Variants in DLG2 observed in about 807,000 individuals in gnomAD.
The protein encoded by DLG2 is disks large homolog 2.
Under a neutral mutation model 132.5 loss-of-function variants are expected in DLG2, and 45 were observed. The observed-to-expected ratio is 0.34, with a 90% CI of 0.27 to 0.44. DLG2 has a LOEUF of 0.44. Among genes scored for constraint, DLG2 ranks in the 20% least tolerant of loss-of-function variants. The probability of loss-of-function intolerance (pLI) is 1.00; values close to 1 mark genes in which losing one functional copy is unlikely to be tolerated. For synonymous variants in DLG2, 424 were observed against 419.6 expected (o/e 1.01, Z -0.13); for missense variants, 1,045 against 1,196.9 (o/e 0.87, Z 1.87).
At chr11:84,104,888 T>C (rs988159166) in intron 9 of DLG2, among the ~76,000 whole-genome samples, 2 of 152,094 alleles carry the variant, frequency 1.3e-5, no homozygotes, top group African/African-American at 4.8e-5. Context: ...TCTTACAATT[T>C]CCTATGTGGT....
chr11:85,136,382 T>A (rs1019157914), intron 5 of DLG2, among the ~76,000 whole-genome samples: 5 of 152,226 alleles, frequency 3.3e-5, no homozygotes, highest in Middle Eastern at 3.2e-3. Flanking sequence ...TTTGATTGAT[T>A]TTCCTCAGAT....
At chr11:83,510,816 T>G (rs2094967078) in intron 21 of DLG2, among the ~76,000 whole-genome samples, 1 of 149,718 alleles carries the variant, frequency 6.7e-6, no homozygotes, top group African/African-American at 2.5e-5. Flanking sequence ...GGCTCAAAAG[T>G]TTCTGAACCA....
chr11:83,757,350 G>A (rs1279778340), intron 18 of DLG2, among the ~76,000 whole-genome samples: 1 of 152,192 alleles, frequency 6.6e-6, no homozygotes, highest in Admixed American at 6.5e-5. Context: ...GGGTTCTACT[G>A]AGTGGAGACT....
chr11:83,749,576 A>G (rs1469494655), intron 18 of DLG2, among the ~76,000 whole-genome samples: 3 of 151,762 alleles, frequency 2.0e-5, no homozygotes, highest in South Asian at 2.1e-4. Flanking sequence ...CAGAGCCCCC[A>G]CCCAGCAGCT....
intron 6 of DLG2, among the ~76,000 whole-genome samples, chr11:84,652,671 C>A (rs1468923797): frequency 6.6e-6 from 1 of 152,120 alleles, no homozygotes; most frequent in Non-Finnish European, 1.5e-5. Flanking sequence ...AATTAATTAT[C>A]ATGTTTAATA....
chr11:84,594,569 T>C lies in DLG2; in HGVS notation c.358-59838A>G, dbSNP rs1029574151. 1.4e-4 allele frequency among the ~76,000 whole-genome samples: 22 copies of C among 152,142 alleles called. No homozygotes were observed. The South Asian group carries it at 4.6e-3, about 32-fold the overall frequency. On this transcript the variant is annotated intron_variant, in intron 6 of 27. Coordinates refer to ENST00000376104, the MANE Select transcript of DLG2 (RefSeq NM_001142699.3). ...AAGAACAAAGTAGCAGTCCAAAAAA[T>C]TGTGACTGAAATACGGATGGGACTG...
chr11:84,879,832 A>G (rs2087002212), intron 6 of DLG2, among the ~76,000 whole-genome samples: 1 of 152,142 alleles, frequency 6.6e-6, no homozygotes, highest in South Asian at 2.1e-4. Flanking sequence ...TCAAAGTGTA[A>G]AAGATATCAA....
chr11:85,412,725 TCACACACACACACACACACA>T (rs542505541), intron 3 of DLG2, among the ~76,000 whole-genome samples: 1 of 92,252 alleles, frequency 1.1e-5, no homozygotes, highest in African/African-American at 4.1e-5. Context: ...GAGCAGTATT[TCACACACACACACACACACA>T]CACACACACA....
chr11:85,212,320 T>G (rs2082305340), intron 4 of DLG2, among the ~76,000 whole-genome samples: 1 of 152,090 alleles, frequency 6.6e-6, no homozygotes, highest in African/African-American at 2.4e-5. Context: ...TCCTCTCCCC[T>G]TTCTTTCTCC....
At chr11:83,854,400 A>T (rs1352787472) in intron 16 of DLG2, among the ~76,000 whole-genome samples, 1 of 152,152 alleles carries the variant, frequency 6.6e-6, no homozygotes, top group African/African-American at 2.4e-5. Context: ...CCAAATAGCA[A>T]GCAAATATTG....
chr11:84,462,805 C>CA (rs1377086465), intron 7 of DLG2, among the ~76,000 whole-genome samples: 2 of 150,932 alleles, frequency 1.3e-5, no homozygotes, highest in African/African-American at 4.8e-5. Context: ...TATTAGTGGC[C>CA]AACGTAACAA....
chr11:83,964,469 T>G (rs1418186059), intron 13 of DLG2, among the ~76,000 whole-genome samples: 1 of 152,000 alleles, frequency 6.6e-6, no homozygotes, highest in Non-Finnish European at 1.5e-5. Flanking sequence ...ACTTGAACAA[T>G]TTGCTTGAGA....
At chr11:85,060,500 T>G (rs954578607) in intron 6 of DLG2, among the ~76,000 whole-genome samples, 1 of 151,024 alleles carries the variant, frequency 6.6e-6, no homozygotes, top group Non-Finnish European at 1.5e-5. Context: ...TACACGCATA[T>G]GTATATGTGT....
intron 4 of DLG2, among the ~76,000 whole-genome samples, chr11:85,165,581 T>C (rs2078379580): frequency 6.6e-6 from 1 of 152,182 alleles, no homozygotes; most frequent in Non-Finnish European, 1.5e-5. Flanking sequence ...TCTGCTTCTT[T>C]CAGCTCCTTT....
chr11:84,280,031 G>C (rs1302081386), intron 7 of DLG2, among the ~76,000 whole-genome samples: 2 of 152,096 alleles, frequency 1.3e-5, no homozygotes, highest in Non-Finnish European at 2.9e-5. Flanking sequence ...GTTCCAAACA[G>C]TGTAACAAGG....
chr11:83,697,950 T>C (rs554730143), intron 18 of DLG2, among the ~76,000 whole-genome samples: 15 of 152,344 alleles, frequency 9.8e-5, no homozygotes, highest in South Asian at 8.3e-4. Flanking sequence ...AACCTTGTTA[T>C]AGGCCAACTT....
At chr11:84,360,212 T>A (rs941685655) in intron 7 of DLG2, among the ~76,000 whole-genome samples, 27 of 152,058 alleles carry the variant, frequency 1.8e-4, no homozygotes, top group Non-Finnish European at 3.4e-4. Context: ...TATCTCAATT[T>A]TTTTTAAAGA....
chr11:83,825,644 A>C (rs747475801), intron 17 of DLG2, among the ~76,000 whole-genome samples: 8 of 152,194 alleles, frequency 5.3e-5, no homozygotes, highest in Non-Finnish European at 1.0e-4. Context: ...GAGGAAATTC[A>C]GTGAACAAGA....
rs926902373 is a variant in DLG2, at chr11:84,544,732, G to A, written c.358-10001C>T. On this transcript the variant is annotated intron_variant, in intron 6 of 27. Coordinates refer to ENST00000376104, the MANE Select transcript of DLG2 (RefSeq NM_001142699.3). Reference sequence around the variant, plus strand: ...TCATAGAAATACAAAGATTGAATGAGATGCTGTACTCCTGGCATACAGTGG... The same window carrying A: ...TCATAGAAATACAAAGATTGAATGAAATGCTGTACTCCTGGCATACAGTGG... Among the ~76,000 whole-genome samples the A allele has an allele frequency of 3.3e-5, 5 of 152,298 alleles. No homozygotes were observed. The East Asian group carries it at 7.7e-4, about 24-fold the overall frequency.
Sources: gnomAD v4.1 joint callset for allele counts (sites outside exome capture counted in the v4.1 genomes callset) on GRCh38, gnomAD v4.1.1 for gene constraint, MANE v1.5 for transcripts, NCBI Gene and HGNC (gene_info 2026-07-23, HGNC 2026-07-21) for gene names.